The following PAMR1 variants were observed in gnomAD, a reference collection of about 807,000 sequenced individuals.
PAMR1 encodes the protein peptidase domain containing associated with muscle regeneration 1.
PAMR1 carries 88 observed loss-of-function variants against 81.8 expected under a neutral mutation model. The ratio of observed to expected loss-of-function variants is 1.08; its 90% CI spans 0.91 to 1.28. The LOEUF is 1.28. Among genes scored for constraint, PAMR1 ranks in the 50% most tolerant of loss-of-function variants. The pLI is 0.00. For missense variants in PAMR1, 935 were observed against 919.7 expected (o/e 1.02, Z -0.21); for synonymous variants, 336 against 345.3 (o/e 0.97, Z 0.30).
chr11:35,495,903 A>T (rs571719812), intron 1 of PAMR1, among the ~76,000 whole-genome samples: 3 of 152,246 alleles, frequency 2.0e-5, no homozygotes, highest in Non-Finnish European at 4.4e-5. Flanking sequence ...ATTTAGTTTC[A>T]TGAAAATTTG....
Position 35,467,996 on chromosome 11 carries a change from C to G in PAMR1, c.820+5G>C, listed in dbSNP as rs1371586546. The G allele has an allele frequency of 1.3e-6, 2 of 1,538,300 alleles. No homozygotes were observed. Among genetic ancestry groups the G allele is most frequent in the Non-Finnish European group, 1.8e-6 (2 of 1,132,802 alleles). ...CCTTAACTCCCACTTAGGAAGCATA[C>G]TCACGATTTTCACAGCGCTGCCCAG... On this transcript the variant is annotated splice_donor_5th_base_variant and intron_variant, in intron 6 of 10. Transcript: ENST00000619888.
chr11:35,433,850 G>C (rs1280912695), intron 10 of PAMR1, among the ~76,000 whole-genome samples: 4 of 150,370 alleles, frequency 2.7e-5, no homozygotes, highest in African/African-American at 1.0e-4. Context: ...ATGGATGAGG[G>C]GATGGATAGA....
intron 3 of PAMR1, 46 bp downstream of exon 3, chr11:35,491,999 T>C (rs768678449): frequency 1.5e-5 from 23 of 1,547,728 alleles, no homozygotes; most frequent in Admixed American, 2.0e-5. Context: ...GCTGAGACTT[T>C]AAGACAGTGT....
At chr11:35,517,071 T>C (rs1300158733) in intron 1 of PAMR1, among the ~76,000 whole-genome samples, 1 of 152,190 alleles carries the variant, frequency 6.6e-6, no homozygotes, top group East Asian at 1.9e-4. Flanking sequence ...ATGATACATC[T>C]AGCTGAGAAG....
At position 35,494,267 on chromosome 11, in the gene PAMR1, T is replaced by G; in HGVS notation, c.79A>C (p.Thr27Pro). Reference sequence around the variant, plus strand: ...CCAGGGCAGGCTTCATTAATGACTGTGTACTCTGAAATGGAAAACCAGCAG... The same window carrying G: ...CCAGGGCAGGCTTCATTAATGACTGGGTACTCTGAAATGGAAAACCAGCAG... ...LLISSLPREYTVINEACPGAE... is the reference protein window; with the variant it reads ...LLISSLPREYPVINEACPGAE... The change falls in exon 2 of 11, where the codon ACA (threonine) becomes CCA (proline). Residue 27 changes from threonine to proline, a missense_variant. Thr to Pro is a conservative substitution (Grantham distance 38). Transcript: ENST00000619888. 1 of 1,613,782 alleles carries G rather than the reference T, an allele frequency of 6.2e-7. No individual in the cohort carries two copies. The highest frequency in any genetic ancestry group is 8.5e-7 in the Non-Finnish European group (1 of 1,179,824).
chr11:35,434,662 G>A lies in PAMR1; in HGVS notation c.1476C>T (p.Ala492=). ...CCACCACAGTGCGCTCATTCACCAG[G>A]GCACCGCTGCAGACTAGGAACCACG... is the stretch of plus-strand genomic sequence containing the variant. ...KGAWFLVCSG[A]LVNERTVVVA... Residue 492 remains alanine (A), a synonymous_variant, in exon 10 of 11, where the codon GCC becomes GCT. Coordinates refer to ENST00000619888, the MANE Select transcript of PAMR1 (RefSeq NM_001001991.3). 6.2e-7 allele frequency: 1 copy of A among 1,614,096 alleles called. No homozygotes were observed. The highest frequency in any genetic ancestry group is 8.5e-7 in the Non-Finnish European group (1 of 1,180,014).
At chr11:35,508,215 G>A (rs1590390291) in intron 1 of PAMR1, among the ~76,000 whole-genome samples, 1 of 152,260 alleles carries the variant, frequency 6.6e-6, no homozygotes, top group East Asian at 1.9e-4. Context: ...GGGGAAGCTG[G>A]TTATCCACCT....
intron 6 of PAMR1, among the ~76,000 whole-genome samples, chr11:35,450,128 GCAAA>G (rs1438381362): frequency 5.1e-5 from 1 of 19,680 alleles, no homozygotes; most frequent in South Asian, 1.9e-3. Flanking sequence ...CTGCCTCCAG[GCAAA>G]AAAAAAAAAA....
chr11:35,525,830 T>G, upstream of PAMR1: 1 of 557,520 alleles, frequency 1.8e-6, no homozygotes, highest in South Asian at 2.2e-5. Context: ...TGGCCACGCC[T>G]GGAGACCCGC....
chr11:35,509,970 C>T (rs1260503789), intron 1 of PAMR1, among the ~76,000 whole-genome samples: 1 of 152,196 alleles, frequency 6.6e-6, no homozygotes, highest in Admixed American at 6.5e-5. Context: ...ACAAAGAACT[C>T]ATAGACCCCA....
intron 3 of PAMR1, among the ~76,000 whole-genome samples, chr11:35,483,226 C>T (rs926224822): frequency 1.3e-5 from 2 of 152,138 alleles, no homozygotes; most frequent in African/African-American, 4.8e-5. Context: ...AATTCAAACC[C>T]CATAAACCTA....
chr11:35,496,990 A>T (rs900670274), intron 1 of PAMR1, among the ~76,000 whole-genome samples: 1 of 152,102 alleles, frequency 6.6e-6, no homozygotes, highest in Non-Finnish European at 1.5e-5. Flanking sequence ...ACATGGTGAA[A>T]CCTCATCTCA....
chr11:35,473,441 T>TTAAC (rs1464221019), intron 4 of PAMR1, among the ~76,000 whole-genome samples: 1 of 152,202 alleles, frequency 6.6e-6, no homozygotes, highest in Non-Finnish European at 1.5e-5. Context: ...TGCTGAAATA[T>TTAAC]TAACATGCAG....
intron 6 of PAMR1, among the ~76,000 whole-genome samples, chr11:35,451,686 T>A (rs1856420587): frequency 6.6e-6 from 1 of 152,184 alleles, no homozygotes; most frequent in Admixed American, 6.5e-5. Context: ...TGTGTGTCCC[T>A]CCAATATTCA....
chr11:35,468,844 G>A (rs1463350910), intron 5 of PAMR1, among the ~76,000 whole-genome samples: 1 of 152,184 alleles, frequency 6.6e-6, no homozygotes, highest in African/African-American at 2.4e-5. Flanking sequence ...ATTCATCTGT[G>A]TGTTATCCAT....
At chr11:35,516,592 C>T (rs1198252452) in intron 1 of PAMR1, among the ~76,000 whole-genome samples, 1 of 152,178 alleles carries the variant, frequency 6.6e-6, no homozygotes, top group Non-Finnish European at 1.5e-5. Context: ...TGCATGACAA[C>T]AAGAACAATA....
At chr11:35,500,751 C>T (rs1292641748) in intron 1 of PAMR1, among the ~76,000 whole-genome samples, 1 of 152,204 alleles carries the variant, frequency 6.6e-6, no homozygotes, top group Non-Finnish European at 1.5e-5. Flanking sequence ...ATCTAAGTGG[C>T]ATAGCCTACT....
In PAMR1 at chr11:35,432,044, G is replaced by A. The variant is rs190711893; in HGVS notation, c.*312C>T. The stretch of plus-strand genomic sequence containing the variant: ...TTCCCTGGTCAAGCTGATGGCATTC[G>A]TATAACTGAAAGTTGGGGAAGACCA... On this transcript the variant is annotated 3_prime_UTR_variant, in exon 11 of 11. Transcript: ENST00000619888. 19 of 317,610 alleles carry A rather than the reference G, an allele frequency of 6.0e-5. No homozygotes were observed. Among genetic ancestry groups the A allele is most frequent in the East Asian group, 2.1e-4 (3 of 14,240 alleles). 19.7% of individuals were successfully genotyped at this position (317,610 alleles called of 1,614,324 possible).
upstream of PAMR1, among the ~76,000 whole-genome samples, chr11:35,526,481 G>T (rs552795400): frequency 1.4e-5 from 2 of 143,516 alleles, no homozygotes; most frequent in Admixed American, 1.4e-4. Flanking sequence ...TTTCATAATA[G>T]GTGACTTTTT....
Sources: gnomAD v4.1 joint callset for allele counts (sites outside exome capture counted in the v4.1 genomes callset) on GRCh38, gnomAD v4.1.1 for gene constraint, MANE v1.5 for transcripts, NCBI Gene and HGNC (gene_info 2026-07-23, HGNC 2026-07-21) for gene names.